The following FAM83G variants were observed in gnomAD, a reference collection of about 807,000 sequenced individuals.
FAM83G encodes the protein protein FAM83G.
In FAM83G, 38 loss-of-function variants were observed where a neutral mutation model predicts 61.5. The observed-to-expected ratio is 0.62, with a 90% confidence interval of 0.48 to 0.81. FAM83G has a LOEUF of 0.81. FAM83G is among the 30% of genes least tolerant of loss of function. The probability of loss-of-function intolerance (pLI) is 0.00; values close to 1 mark genes in which losing one functional copy is unlikely to be tolerated. For synonymous variants in FAM83G, 470 were observed against 476.1 expected (o/e 0.99, Z 0.17); for missense variants, 989 against 1,133.6 (o/e 0.87, Z 1.83).
chr17:18,993,653 C>T (rs925536087), intron 2 of FAM83G, among the ~76,000 whole-genome samples: 1 of 152,210 alleles, frequency 6.6e-6, no homozygotes, highest in Admixed American at 6.5e-5. Context: ...CAGACAAGTC[C>T]CTAGGCCTCT....
Position 18,969,318 on chromosome 17 carries a change from C to A in FAM83G, c.*2041G>T. The A allele has an allele frequency of 1.2e-6, 2 of 1,611,458 alleles. No homozygotes were observed. The highest frequency in any genetic ancestry group is 1.7e-6 in the Non-Finnish European group (2 of 1,178,796). On this transcript the variant is annotated 3_prime_UTR_variant, in exon 6 of 6. Coordinates refer to ENST00000388995, the MANE Select transcript of FAM83G (RefSeq NM_001039999.3). ...TCCTCCCTGGGGCCAGGGCCCCCTC[C>A]AGCAACCTTGCTTCCACTGGCAGGG...
intron 3 of FAM83G, among the ~76,000 whole-genome samples, chr17:18,985,389 C>T (rs2043244817): frequency 6.6e-6 from 1 of 152,212 alleles, no homozygotes; most frequent in Non-Finnish European, 1.5e-5. Flanking sequence ...CCCAAACTGG[C>T]ACCTGACACC....
chr17:18,977,676 C>G lies in FAM83G; in HGVS notation c.1990G>C (p.Gly664Arg). ...CGACTCTGGGCCCATGGGGAGCCAC[C>G]CTGGGGTCCAACAAAGGTCCCTCGG... ...ITRGTFVGPQGGSPWAQSRGR... is the reference protein window; with the variant it reads ...ITRGTFVGPQRGSPWAQSRGR... The change falls in exon 5 of 6, where the codon GGT becomes CGT. Residue 664 changes from glycine (G) to arginine (R), a missense_variant. Gly to Arg is a moderately radical substitution (Grantham distance 125). This residue lies in a region of FAM83G where 574 missense variants were observed against 645.1 expected (regional missense o/e 0.89). Transcript: ENST00000388995. 6.2e-7 allele frequency: 1 copy of G among 1,610,538 alleles called. No individual in the cohort carries two copies.
rs201344489 is a variant in FAM83G at position 18,978,292 on chromosome 17, C to A, written c.1374G>T (p.Gln458His). ...KIRDTSQASA[Q>H]HQLWKQSQDS... ...CCTGGCTCTGCTTCCACAGCTGGTG[C>A]TGGGCGCTGGCCTGGGAGGTGTCAC... is the stretch of plus-strand genomic sequence containing the variant. Residue 458 changes from glutamine (Q) to histidine (H), a missense_variant, in exon 5 of 6, where the codon CAG (glutamine) becomes CAT (histidine). By Grantham distance (24) the Gln-to-His change is conservative (BLOSUM62 0). Coordinates refer to ENST00000388995, the MANE Select transcript of FAM83G (RefSeq NM_001039999.3). 13,639 of 1,610,736 alleles carry A rather than the reference C, an allele frequency of 8.5e-3. 57 individuals are homozygous for A. Among genetic ancestry groups the A allele is most frequent in the Non-Finnish European group, 0.011 (12,376 of 1,178,518 alleles).
chr17:18,988,223 C>G (rs1028976525), intron 3 of FAM83G, 24 bp downstream of exon 3: 3 of 1,600,544 alleles, frequency 1.9e-6, no homozygotes, highest in Non-Finnish European at 2.6e-6. Context: ...TCCAGCCACC[C>G]AGGCAAGTGA....
chr17:18,978,486 G>C lies in FAM83G; in HGVS notation c.1180C>G (p.Pro394Ala). 2 of 1,612,496 alleles carry C rather than the reference G, an allele frequency of 1.2e-6. No homozygotes were observed. The highest frequency in any genetic ancestry group is 1.1e-5 in the South Asian group (1 of 90,952). The stretch of plus-strand genomic sequence containing the variant: ...AGGTGAAGCAGTCCTGGGTGGATGG[G>C]TGGCAGCAGCTCGGGGAGTTCCCCT... ...HPGELPELLPPIHPGLLHLER... is the reference protein window; with the variant it reads ...HPGELPELLPAIHPGLLHLER... Residue 394 changes from proline to alanine, a missense_variant, in exon 5 of 6, where the codon CCC (proline) becomes GCC (alanine). By Grantham distance (27) the Pro-to-Ala change is conservative. This residue lies in a region of FAM83G where 574 missense variants were observed against 645.1 expected (regional missense o/e 0.89). Coordinates refer to ENST00000388995, the MANE Select transcript of FAM83G (RefSeq NM_001039999.3).
chr17:18,986,490 TCA>T (rs1429672378), intron 3 of FAM83G, among the ~76,000 whole-genome samples: 3 of 152,194 alleles, frequency 2.0e-5, no homozygotes, highest in Non-Finnish European at 4.4e-5. Flanking sequence ...CCCTCGGATC[TCA>T]GTTTCTCCAT....
At chr17:18,991,171 A>T (rs939337741) in intron 2 of FAM83G, among the ~76,000 whole-genome samples, 2 of 152,202 alleles carry the variant, frequency 1.3e-5, no homozygotes, top group African/African-American at 4.8e-5. Flanking sequence ...CTCACTTGTG[A>T]CACCATGAGC....
At chr17:18,974,937 CA>C (rs1324677446) in intron 5 of FAM83G, among the ~76,000 whole-genome samples, 1 of 152,144 alleles carries the variant, frequency 6.6e-6, no homozygotes, top group Non-Finnish European at 1.5e-5. Flanking sequence ...ATCTGACAGT[CA>C]GGGGTGGGGA....
In FAM83G at chr17:18,996,635, T is replaced by C. The variant is rs906726106; in HGVS notation, c.522+6885A>G. Among the ~76,000 whole-genome samples, 5 of 152,030 alleles carry C rather than the reference T, an allele frequency of 3.3e-5. No individual in the cohort carries two copies. The highest frequency in any genetic ancestry group is 1.2e-4 in the African/African-American group (5 of 41,370). ...TGACCCCAGCCAGAGCAAGGATAAT[T>C]AGGCCAACCAGCTGGCACGCATACA... On this transcript the variant is annotated intron_variant, in intron 2 of 5. Coordinates refer to ENST00000388995, the MANE Select transcript of FAM83G (RefSeq NM_001039999.3). The surrounding 1 kb of genome is among the most constrained non-coding windows in gnomAD (Gnocchi z 4.4).
chr17:18,971,500 C>T lies in FAM83G; in HGVS notation c.2331G>A (p.Glu777=), dbSNP rs2042851153. The T allele has an allele frequency of 1.9e-6, 3 of 1,613,926 alleles. No individual in the cohort carries two copies. Among genetic ancestry groups the T allele is most frequent in the Non-Finnish European group, 2.5e-6 (3 of 1,180,048 alleles). ...ARPMTDGRAT[E]EHPSPFGIPY... is the part of the protein sequence containing the mutation. ...GGATTCCGAAGGGACTCGGATGCTCCTCGGTGGCCCTGCCATCGGTCATGG... is the reference window on the plus strand; with the variant it reads ...GGATTCCGAAGGGACTCGGATGCTCTTCGGTGGCCCTGCCATCGGTCATGG... The change falls in exon 6 of 6, where the codon GAG becomes GAA. Residue 777 remains glutamate (E), a synonymous_variant. Coordinates refer to ENST00000388995, the MANE Select transcript of FAM83G (RefSeq NM_001039999.3). This position sits in a 1 kb window ranked among gnomAD's most constrained non-coding sequence, Gnocchi z 5.5.
chr17:19,001,397 C>T (rs941726720), intron 2 of FAM83G, among the ~76,000 whole-genome samples: 1 of 152,216 alleles, frequency 6.6e-6, no homozygotes, highest in African/African-American at 2.4e-5. Flanking sequence ...CCCTTGAGGA[C>T]TCCCTGAGGT....
At chr17:19,005,531 G>A (rs1442653935), upstream of FAM83G, among the ~76,000 whole-genome samples, 1 of 152,170 alleles carries the variant, frequency 6.6e-6, no homozygotes, top group African/African-American at 2.4e-5. Flanking sequence ...CCGGCACCAG[G>A]CCCAGCCCTT....
At position 19,004,207 on chromosome 17, in the gene FAM83G, G is replaced by A. The variant is rs1250814631; in HGVS notation, c.-128-38C>T. On this transcript the variant is annotated intron_variant, in intron 1 of 5. Transcript: ENST00000388995. This position sits in a 1 kb window ranked among gnomAD's most constrained non-coding sequence, Gnocchi z 5.4. Reference sequence around the variant, plus strand: ...CCTGATGAGCCCGGCTCGGCGGGGAGGGCGGGCCGCGCGGGGAGGGGCGGC... The same window carrying A: ...CCTGATGAGCCCGGCTCGGCGGGGAAGGCGGGCCGCGCGGGGAGGGGCGGC... 2 of 620,900 alleles carry A rather than the reference G, an allele frequency of 3.2e-6. No homozygotes were observed. Among genetic ancestry groups the A allele is most frequent in the Non-Finnish European group, 5.2e-6 (2 of 381,520 alleles). 38.5% of individuals were successfully genotyped at this position (620,900 alleles called of 1,614,324 possible).
intron 2 of FAM83G, among the ~76,000 whole-genome samples, chr17:18,989,490 A>AGG (rs2043356982): frequency 6.6e-6 from 1 of 152,188 alleles, no homozygotes; most frequent in Non-Finnish European, 1.5e-5. Flanking sequence ...ACTCCAGCAG[A>AGG]GGGGAGGGCT....
chr17:18,985,799 C>T (rs1300212698), intron 3 of FAM83G, among the ~76,000 whole-genome samples: 5 of 152,192 alleles, frequency 3.3e-5, no homozygotes, highest in African/African-American at 7.2e-5. Flanking sequence ...GCAGGGCAGG[C>T]GGGGCCAGGG....
chr17:18,990,454 C>T (rs2043387628), intron 2 of FAM83G, among the ~76,000 whole-genome samples: 1 of 152,180 alleles, frequency 6.6e-6, no homozygotes, highest in South Asian at 2.1e-4. Context: ...TCACGTGCCA[C>T]CCTGGAAAGG....
Position 18,978,515 on chromosome 17 carries a change from T to A in FAM83G, c.1151A>T (p.His384Leu). ...CAGCAGCTCGGGGAGTTCCCCTGGA[T>A]GCTCAGCCAGCGCTGGGCCTTTCAG... ...LGLKGPALAE[H>L]PGELPELLPP... Residue 384 changes from histidine (H) to leucine (L), a missense_variant, in exon 5 of 6, where the codon CAT (histidine) becomes CTT (leucine). His to Leu is a moderately conservative substitution (Grantham distance 99). Transcript: ENST00000388995. 6.2e-7 allele frequency: 1 copy of A among 1,613,316 alleles called. No homozygotes were observed. Among genetic ancestry groups the A allele is most frequent in the Non-Finnish European group, 8.5e-7 (1 of 1,179,950 alleles).
chr17:19,005,344 C>G (rs1188414193), upstream of FAM83G, among the ~76,000 whole-genome samples: 4 of 152,314 alleles, frequency 2.6e-5, no homozygotes, highest in African/African-American at 9.6e-5. Context: ...CCAAGAGGGC[C>G]GCTGTGGGCT....
Sources: allele counts gnomAD v4.1 joint callset (sites outside exome capture counted in the v4.1 genomes callset), GRCh38; gene constraint gnomAD v4.1.1; regional missense constraint gnomAD v4.1.1; non-coding constraint Gnocchi (gnomAD v3.1); transcripts MANE v1.5; gene names NCBI Gene and HGNC (gene_info 2026-07-23, HGNC 2026-07-21).